ZNF700: variants seen among roughly 807,000 people sequenced by gnomAD.
The protein encoded by ZNF700 is zinc finger protein 700.
Under a neutral mutation model 65.3 loss-of-function variants are expected in ZNF700, and 38 were observed. That is an observed-to-expected ratio of 0.58 (90% CI 0.45 to 0.76). The LOEUF (loss-of-function observed/expected upper bound fraction) is 0.76, where lower values mean the gene tolerates loss of function less well. Among genes scored for constraint, ZNF700 ranks in the 30% least tolerant of loss-of-function variants. ZNF700 has a pLI of 0.00. For synonymous variants in ZNF700, 285 were observed against 290.4 expected, an observed-to-expected ratio of 0.98 and a Z score of 0.19; for missense variants, 857 against 888.4, an observed-to-expected ratio of 0.96 and a Z score of 0.45.
chr19:11,949,160 C>A lies in ZNF700; in HGVS notation c.1136C>A (p.Thr379Lys). Residue 379 changes from threonine to lysine, a missense_variant, in exon 4 of 4, where the codon ACA (threonine) becomes AAA (lysine). Around this residue, in one of 3 missense-constraint regions of ZNF700, gnomAD observed 603 missense variants for 619.9 expected, o/e 0.97. Coordinates refer to ENST00000254321, the MANE Select transcript of ZNF700 (RefSeq NM_144566.3). ...KGFYSAKSFQTHEKTHTGEKR... is the reference protein window; with the variant it reads ...KGFYSAKSFQKHEKTHTGEKR... ...TTTTATTCTGCCAAGTCATTTCAAA[C>A]ACATGAAAAAACTCACACTGGAGAG... 6.2e-7 allele frequency: 1 copy of A among 1,611,386 alleles called. No homozygotes were observed. The highest frequency in any genetic ancestry group is 1.7e-5 in the Admixed American group (1 of 59,354).
intron 1 of ZNF700, among the ~76,000 whole-genome samples, 157 bp downstream of exon 1, chr19:11,925,430 G>A (rs552895433): frequency 6.6e-6 from 1 of 152,302 alleles, no homozygotes; most frequent in African/African-American, 2.4e-5. Flanking sequence ...CTTGGCCGCT[G>A]GACGGGGCTG....
intron 1 of ZNF700, among the ~76,000 whole-genome samples, chr19:11,935,175 C>CA (rs570889462): frequency 0.063 from 2,775 of 43,960 alleles, 91 homozygotes; most frequent in African/African-American, 0.092. Flanking sequence ...GACTCCGTCT[C>CA]AAAAAAAAAA....
At chr19:11,945,856 A>G (rs1972951028) in intron 1 of ZNF700, among the ~76,000 whole-genome samples, 1 of 152,122 alleles carries the variant, frequency 6.6e-6, no homozygotes, top group Non-Finnish European at 1.5e-5. Context: ...GAAGTCGGGC[A>G]TGTACAAGAA....
chr19:11,941,658 G>T (rs1477850373), intron 1 of ZNF700, among the ~76,000 whole-genome samples: 7 of 152,118 alleles, frequency 4.6e-5, no homozygotes. Flanking sequence ...CGCAGCCCCA[G>T]TTCCCGCTCG....
At position 11,927,422 on chromosome 19, in the gene ZNF700, TTAAATAAATAAATAAA is replaced by T. The variant is rs57120234; in HGVS notation, c.63+2176_63+2191del. On this transcript the variant is annotated intron_variant, in intron 1 of 3. Coordinates refer to ENST00000254321, the MANE Select transcript of ZNF700 (RefSeq NM_144566.3). ...CAACACAGCGAGACCCTGTCTCTATTTAAATAAATAAATAAATAAATAAATAAATAAATAAATAAAT... is the reference window on the plus strand; with the variant it reads ...CAACACAGCGAGACCCTGTCTCTATTTAAATAAATAAATAAATAAATAAAT... Among the ~76,000 whole-genome samples, 884 of 143,122 alleles carry T rather than the reference TTAAATAAATAAATAAA, an allele frequency of 6.2e-3. 7 individuals carry two copies. Among genetic ancestry groups the T allele is most frequent in the African/African-American group, 0.021 (818 of 38,846 alleles). 93.9% of individuals were successfully genotyped at this position (143,122 alleles called of 152,430 possible).
chr19:11,926,585 C>T (rs1972631794), intron 1 of ZNF700: 1 of 154,000 alleles, frequency 6.5e-6, no homozygotes, highest in African/African-American at 2.4e-5. Flanking sequence ...GATGGGGTTT[C>T]ACCATGTTGG....
chr19:11,948,416 G>T lies in ZNF700; in HGVS notation c.392G>T (p.Cys131Phe), dbSNP rs1972996190. 1.2e-6 allele frequency: 2 copies of T among 1,614,148 alleles called. No individual in the cohort carries two copies. The highest frequency in any genetic ancestry group is 3.3e-5 in the Admixed American group (2 of 60,016). ...PEVKSCDSFV[C>F]AEVGIGNSSF... Reference sequence around the variant, plus strand: ...GTAAAATCATGTGACAGCTTTGTGTGTGCAGAAGTTGGCATAGGTAACTCA... The same window carrying T: ...GTAAAATCATGTGACAGCTTTGTGTTTGCAGAAGTTGGCATAGGTAACTCA... The change falls in exon 4 of 4, where the codon TGT (cysteine) becomes TTT (phenylalanine). Residue 131 changes from cysteine to phenylalanine, a missense_variant. Cys to Phe is a radical substitution (Grantham distance 205). Transcript: ENST00000254321.
intron 2 of ZNF700, 87 bp from the exon 3 acceptor site, chr19:11,947,427 G>A: frequency 6.2e-7 from 1 of 1,601,128 alleles, no homozygotes; most frequent in East Asian, 2.2e-5. Context: ...ATGAGGCATG[G>A]CTGCAGTAAA....
At chr19:11,934,079 C>A (rs1021801826) in intron 1 of ZNF700, among the ~76,000 whole-genome samples, 1 of 147,822 alleles carries the variant, frequency 6.8e-6, no homozygotes, top group Non-Finnish European at 1.5e-5. Flanking sequence ...TGTGATGCCT[C>A]ATCCCTAAAT....
chr19:11,948,142 C>T lies in ZNF700; in HGVS notation c.252-134C>T. The T allele has an allele frequency of 2.8e-6, 3 of 1,070,970 alleles. No individual in the cohort carries two copies. The South Asian group carries it at 4.8e-5, about 17-fold the overall frequency. The allele number at this position is 1,070,970 out of a possible 1,614,324, so 66.3% of individuals were successfully genotyped here. On this transcript the variant is annotated intron_variant, in intron 3 of 3. Transcript: ENST00000254321. ...CATCTTGTAGAACATGTCCAGTCAC[C>T]TTCAAACGATTCAGACAGGGCAGAA...
chr19:11,937,746 CCAAGGTG>C lies in ZNF700; in HGVS notation c.64-9433_64-9427del, dbSNP rs553489203. Among the ~76,000 whole-genome samples, 930 of 152,170 alleles carry C rather than the reference CCAAGGTG, an allele frequency of 6.1e-3. 10 individuals are homozygous for C. Among genetic ancestry groups the C allele is most frequent in the African/African-American group, 0.021 (884 of 41,502 alleles). On this transcript the variant is annotated intron_variant, in intron 1 of 3. Transcript: ENST00000254321. ...CTCATGATCTGCCTGCCTCAGCCTC[CCAAGGTG>C]CTGGGATTACAAGTGTGAGCCACCG... is the stretch of plus-strand genomic sequence containing the variant.
intron 1 of ZNF700, among the ~76,000 whole-genome samples, chr19:11,936,147 G>A (rs527360798): frequency 6.6e-6 from 1 of 152,082 alleles, no homozygotes; most frequent in Non-Finnish European, 1.5e-5. Context: ...TTGCTATTGT[G>A]AATAGTGAAT....
chr19:11,950,075 G>T lies in ZNF700; in HGVS notation c.2051G>T (p.Gly684Val), dbSNP rs1430310282. 6.2e-7 allele frequency: 1 copy of T among 1,613,952 alleles called. No individual in the cohort carries two copies. The highest frequency in any genetic ancestry group is 8.5e-7 in the Non-Finnish European group (1 of 1,179,998). ...KPYECKHCGN[G>V]FTSAKILQIH... Reference sequence around the variant, plus strand: ...TATGAATGTAAGCATTGTGGGAATGGATTCACATCTGCCAAGATTCTTCAA... The same window carrying T: ...TATGAATGTAAGCATTGTGGGAATGTATTCACATCTGCCAAGATTCTTCAA... The change falls in exon 4 of 4, where the codon GGA becomes GTA. Residue 684 changes from glycine to valine, a missense_variant. Physicochemically the swap from Gly to Val is moderately radical, Grantham distance 109. Around this residue, in one of 3 missense-constraint regions of ZNF700, gnomAD observed 251 missense variants for 250.3 expected, o/e 1.00. Coordinates refer to ENST00000254321, the MANE Select transcript of ZNF700 (RefSeq NM_144566.3).
At position 11,950,470 on chromosome 19, in the gene ZNF700, T is replaced by A; in HGVS notation, c.*217T>A. 2.9e-6 allele frequency: 2 copies of A among 685,772 alleles called. No individual in the cohort carries two copies. Among genetic ancestry groups the A allele is most frequent in the Non-Finnish European group, 5.3e-6 (2 of 378,108 alleles). 42.5% of individuals were successfully genotyped at this position (685,772 alleles called of 1,614,324 possible). Reference sequence around the variant, plus strand: ...AAGGACTCACACGGGAGAGAAACCCTATGAGTGTATTCTAGTTCCGTTTGA... The same window carrying A: ...AAGGACTCACACGGGAGAGAAACCCAATGAGTGTATTCTAGTTCCGTTTGA... On this transcript the variant is annotated 3_prime_UTR_variant, in exon 4 of 4. Transcript: ENST00000254321.
intron 1 of ZNF700, 168 bp from the exon 2 acceptor site, chr19:11,947,013 G>A (rs1972970159): frequency 1.7e-6 from 2 of 1,178,538 alleles, no homozygotes; most frequent in Non-Finnish European, 2.3e-6. Context: ...TAAATAAATT[G>A]CTTTATGGAA....
intron 1 of ZNF700, among the ~76,000 whole-genome samples, chr19:11,927,278 C>T (rs1027387086): frequency 2.0e-5 from 3 of 151,858 alleles, no homozygotes; most frequent in Admixed American, 6.6e-5. Context: ...CACTTGAACC[C>T]CAGAGGCAGA....
chr19:11,947,475 A>T (rs759373260), intron 2 of ZNF700, 39 bp from the exon 3 acceptor site: 50 of 1,606,538 alleles, frequency 3.1e-5, no homozygotes, highest in Non-Finnish European at 4.1e-5. Context: ...TCACAATTTT[A>T]TACTGCTTCA....
At position 11,950,376 on chromosome 19, in the gene ZNF700, G is replaced by T; in HGVS notation, c.*123G>T. On this transcript the variant is annotated 3_prime_UTR_variant, in exon 4 of 4. Transcript: ENST00000254321. ...GATATCATGAAAGGACTCACACTGG[G>T]GAGAAACCCTATCAATGTAAGCAGT... is the stretch of plus-strand genomic sequence containing the variant. The T allele has an allele frequency of 3.2e-6, 3 of 943,224 alleles. No homozygotes were observed. The highest frequency in any genetic ancestry group is 4.9e-6 in the Non-Finnish European group (3 of 608,372). The allele number at this position is 943,224 out of a possible 1,614,324, so 58.4% of individuals were successfully genotyped here. A position where few individuals can be genotyped will look rare whatever the true frequency, so the allele number is the denominator to read the frequency against.
At chr19:11,925,380 T>C in intron 1 of ZNF700, 107 bp downstream of exon 1, 2 of 1,527,676 alleles carry the variant, frequency 1.3e-6, no homozygotes, top group Non-Finnish European at 1.8e-6. Flanking sequence ...CTCCGGGGTC[T>C]GGGACCGAGT....
Sources: gnomAD v4.1 joint callset for allele counts (sites outside exome capture counted in the v4.1 genomes callset) on GRCh38, gnomAD v4.1.1 for gene constraint, gnomAD v4.1.1 regional missense constraint, MANE v1.5 for transcripts, NCBI Gene and HGNC (gene_info 2026-07-23, HGNC 2026-07-21) for gene names.